The following SDK1 variants were observed in gnomAD, a reference collection of about 807,000 sequenced individuals.
The protein encoded by SDK1 is protein sidekick-1.
A neutral mutation model predicts 245.5 loss-of-function variants in SDK1; 157 were observed. The ratio of observed to expected loss-of-function variants is 0.64; its 90% confidence interval spans 0.56 to 0.73. The LOEUF (loss-of-function observed/expected upper bound fraction) is 0.73. Among genes scored for constraint, SDK1 ranks in the 30% least tolerant of loss-of-function variants. The probability of loss-of-function intolerance (pLI) is 0.00; values close to 1 mark genes in which losing one functional copy is unlikely to be tolerated. For missense variants in SDK1, 3,583 were observed against 3,002.3 expected, an observed-to-expected ratio of 1.19 and a Z score of -4.52; for synonymous variants, 1,647 against 1,278.5, an observed-to-expected ratio of 1.29 and a Z score of -6.15.
rs1032847375 is a variant in SDK1, at chr7:3,775,730, C to T, written c.714-45720C>T. Among the ~76,000 whole-genome samples the T allele has an allele frequency of 4.6e-5, 7 of 152,108 alleles. No homozygotes were observed. In the East Asian group the frequency reaches 1.4e-3, roughly 30 times the overall value. ...TAGCTGGGACTACAGGCGCCCGCCA[C>T]CGCACCCGGCTAATTTTTTGTATTT... On this transcript the variant is annotated intron_variant, in intron 4 of 44. Coordinates refer to ENST00000404826, the MANE Select transcript of SDK1 (RefSeq NM_152744.4).
intron 1 of SDK1, among the ~76,000 whole-genome samples, chr7:3,568,357 A>G (rs1779993656): frequency 6.6e-6 from 1 of 152,112 alleles, no homozygotes; most frequent in Non-Finnish European, 1.5e-5. Flanking sequence ...CAGTGTTCCC[A>G]CTGCTCTTTT....
chr7:3,967,185 A>T, intron 9 of SDK1, 133 bp from the exon 10 acceptor site: 1 of 714,326 alleles, frequency 1.4e-6, no homozygotes, highest in South Asian at 1.7e-5. Flanking sequence ...GTCCCTCCTG[A>T]ACAGTATTCC....
rs1780962056 is a variant in SDK1 at position 3,953,106 on chromosome 7, TAAG to T, written c.1150+1189_1150+1191del. ...GGAATTGAGAACAGGAAAATTCAAA[TAAG>T]AAAACCCTCAGAGAGCCCCTTAAAT... On this transcript the variant is annotated intron_variant, in intron 7 of 44. Transcript: ENST00000404826. Among the ~76,000 whole-genome samples the T allele has an allele frequency of 2.9e-5, 4 of 138,654 alleles. No individual in the cohort carries two copies. In the South Asian group the frequency reaches 9.1e-4, roughly 32 times the overall value. 91.0% of individuals were successfully genotyped at this position (138,654 alleles called of 152,430 possible).
chr7:3,553,973 A>G (rs1234456500), intron 1 of SDK1, among the ~76,000 whole-genome samples: 1 of 152,176 alleles, frequency 6.6e-6, no homozygotes, highest in Non-Finnish European at 1.5e-5. Flanking sequence ...AAAGGCTCTG[A>G]AAATTAAGCT....
intron 4 of SDK1, among the ~76,000 whole-genome samples, chr7:3,699,396 G>A (rs375101355): frequency 5.3e-5 from 8 of 152,064 alleles, no homozygotes; most frequent in African/African-American, 1.9e-4. Context: ...GAAAAAAGAG[G>A]CCATTTCATC....
intron 1 of SDK1, among the ~76,000 whole-genome samples, chr7:3,408,930 G>C (rs985505440): frequency 1.3e-5 from 2 of 152,174 alleles, no homozygotes; most frequent in African/African-American, 4.8e-5. Flanking sequence ...CTGATGTACA[G>C]TTCTTATTGC....
intron 1 of SDK1, among the ~76,000 whole-genome samples, chr7:3,612,702 C>A (rs749645182): frequency 6.6e-6 from 1 of 152,164 alleles, no homozygotes; most frequent in Non-Finnish European, 1.5e-5. Flanking sequence ...GTGGTTTAAA[C>A]TGAAAGATTA....
chr7:3,962,818 G>A lies in SDK1; in HGVS notation c.1396G>A (p.Glu466Lys). The A allele has an allele frequency of 1.2e-6, 2 of 1,613,386 alleles. No homozygotes were observed. Among genetic ancestry groups the A allele is most frequent in the Non-Finnish European group, 1.7e-6 (2 of 1,179,810 alleles). ...GTGCTTCGCCAGCAATGAAGGAGGG[G>A]AGATCCAGACCCACACCTACCTGGA... ...FQCFASNEGG[E>K]IQTHTYLDVT... Residue 466 changes from glutamate to lysine, a missense_variant, in exon 9 of 45, where the codon GAG (glutamate) becomes AAG (lysine). Coordinates refer to ENST00000404826, the MANE Select transcript of SDK1 (RefSeq NM_152744.4).
chr7:3,471,785 C>T (rs1020226027), intron 1 of SDK1, among the ~76,000 whole-genome samples: 1 of 152,148 alleles, frequency 6.6e-6, no homozygotes, highest in Non-Finnish European at 1.5e-5. Flanking sequence ...ATAGTCTACT[C>T]GGCTTTTCTG....
At chr7:3,510,939 G>A (rs1216427796) in intron 1 of SDK1, among the ~76,000 whole-genome samples, 1 of 152,228 alleles carries the variant, frequency 6.6e-6, no homozygotes, top group Admixed American at 6.5e-5. Flanking sequence ...TCCGTGGGAA[G>A]CCATCAGAAC....
rs185343343 is a variant in SDK1, at chr7:3,875,217, C to A, written c.847+53634C>A. Reference sequence around the variant, plus strand: ...TTCTAGGTTTTGAGTTAGTTTTTTCCCTGTACCCTTGGTTCTCTGACAGAG... The same window carrying A: ...TTCTAGGTTTTGAGTTAGTTTTTTCACTGTACCCTTGGTTCTCTGACAGAG... On this transcript the variant is annotated intron_variant, in intron 5 of 44. Transcript: ENST00000404826. Among the ~76,000 whole-genome samples the A allele has an allele frequency of 2.0e-5, 3 of 151,988 alleles. No homozygotes were observed. In the East Asian group the frequency reaches 5.8e-4, roughly 29 times the overall value.
chr7:4,045,483 C>G (rs530479846), intron 17 of SDK1, among the ~76,000 whole-genome samples: 1 of 151,984 alleles, frequency 6.6e-6, no homozygotes, highest in South Asian at 2.1e-4. Context: ...TGGGCTCAAG[C>G]GATCCTCCCA....
chr7:4,020,106 G>T (rs1786765289), intron 17 of SDK1, among the ~76,000 whole-genome samples: 1 of 152,128 alleles, frequency 6.6e-6, no homozygotes, highest in South Asian at 2.1e-4. Flanking sequence ...TCAGGCTTGT[G>T]ACAGTCTCGG....
At chr7:4,206,087 G>T (rs551829133) in intron 36 of SDK1, 93 bp downstream of exon 36, 3 of 812,474 alleles carry the variant, frequency 3.7e-6, no homozygotes, top group Non-Finnish European at 5.8e-6. Flanking sequence ...AGCAGACCCC[G>T]CAGGCGCTCC....
chr7:4,007,003 C>T (rs1785532542), intron 14 of SDK1, among the ~76,000 whole-genome samples: 1 of 152,252 alleles, frequency 6.6e-6, no homozygotes, highest in Non-Finnish European at 1.5e-5. Flanking sequence ...AACAGTTGTC[C>T]TCTTGACTGT....
At chr7:3,506,077 T>C (rs1046367456) in intron 1 of SDK1, among the ~76,000 whole-genome samples, 1 of 152,228 alleles carries the variant, frequency 6.6e-6, no homozygotes, top group African/African-American at 2.4e-5. Context: ...ATCATATTCT[T>C]TATTTCTTTT....
At chr7:3,512,404 T>C (rs965047730) in intron 1 of SDK1, among the ~76,000 whole-genome samples, 9 of 152,244 alleles carry the variant, frequency 5.9e-5, no homozygotes, top group African/African-American at 2.2e-4. Flanking sequence ...TTCGCAATTA[T>C]GAATAAAACT....
intron 5 of SDK1, among the ~76,000 whole-genome samples, chr7:3,846,597 T>C (rs1423928990): frequency 6.6e-6 from 1 of 152,204 alleles, no homozygotes; most frequent in Non-Finnish European, 1.5e-5. Flanking sequence ...TAAACATATG[T>C]ATGTGGACTC....
At chr7:3,603,719 G>A (rs926216279) in intron 1 of SDK1, among the ~76,000 whole-genome samples, 3 of 152,152 alleles carry the variant, frequency 2.0e-5, no homozygotes, top group East Asian at 3.9e-4. Flanking sequence ...CCAACACTAT[G>A]TTGAATAGGA....
Sources: gnomAD v4.1 joint callset for allele counts (sites outside exome capture counted in the v4.1 genomes callset) on GRCh38, gnomAD v4.1.1 for gene constraint, MANE v1.5 for transcripts, NCBI Gene and HGNC (gene_info 2026-07-23, HGNC 2026-07-21) for gene names.